The following PCCA variants were observed in gnomAD, a reference collection of about 807,000 sequenced individuals.
PCCA encodes the protein propionyl-CoA carboxylase alpha chain, mitochondrial.
PCCA carries 74 observed loss-of-function variants against 101.3 expected under a neutral mutation model. The ratio of observed to expected loss-of-function variants is 0.73; its 90% CI spans 0.61 to 0.89. The LOEUF is 0.89. Ranked by LOEUF, PCCA falls within the 40% of genes least tolerant of loss-of-function variation. The pLI is 0.00. For synonymous variants in PCCA, 294 were observed against 313.6 expected (o/e 0.94, Z 0.66); for missense variants, 891 against 907.0 (o/e 0.98, Z 0.23).
chr13:100,148,568 T>C (rs567407652), intron 4 of PCCA, among the ~76,000 whole-genome samples: 4 of 152,312 alleles, frequency 2.6e-5, no homozygotes, highest in East Asian at 1.9e-4. Flanking sequence ...CCCTTCTCCC[T>C]TGATGCTTCT....
chr13:100,459,891 CAGAG>C (rs1566368031), intron 21 of PCCA, among the ~76,000 whole-genome samples: 1 of 152,210 alleles, frequency 6.6e-6, no homozygotes, highest in Non-Finnish European at 1.5e-5. Flanking sequence ...TCTCCCGTAG[CAGAG>C]AGAGAGTGCA....
chr13:100,297,193 A>G (rs28687769), intron 12 of PCCA, among the ~76,000 whole-genome samples: 1 of 152,158 alleles, frequency 6.6e-6, no homozygotes, highest in Non-Finnish European at 1.5e-5. Context: ...TTTGTTAAGG[A>G]GGTATCTCTG....
chr13:100,521,877 G>A (rs1020062787), intron 22 of PCCA, among the ~76,000 whole-genome samples: 3 of 152,178 alleles, frequency 2.0e-5, no homozygotes, highest in East Asian at 1.9e-4. Flanking sequence ...AAACTGCAGC[G>A]GGCTGGTAAG....
At chr13:100,261,085 A>G (rs1164122665) in intron 9 of PCCA, among the ~76,000 whole-genome samples, 4 of 152,152 alleles carry the variant, frequency 2.6e-5, no homozygotes, top group African/African-American at 7.2e-5. Flanking sequence ...TTTAGTCTTC[A>G]GATTAAGAAA....
chr13:100,273,285 T>A lies in PCCA; in HGVS notation c.1004T>A (p.Val335Glu). The change falls in exon 12 of 24, where the codon GTG (valine) becomes GAG (glutamate). Residue 335 changes from valine to glutamate, a missense_variant. Physicochemically the swap from Val to Glu is moderately radical, Grantham distance 121. Transcript: ENST00000376285. ...GTAAAATATTCCTCTGCTGGGACCGTGGAGTTCCTTGTGGACTCTAAGAAG... is the reference window on the plus strand; with the variant it reads ...GTAAAATATTCCTCTGCTGGGACCGAGGAGTTCCTTGTGGACTCTAAGAAG... ...RAVKYSSAGT[V>E]EFLVDSKKNF... 1 of 1,612,324 alleles carries A rather than the reference T, an allele frequency of 6.2e-7. No homozygotes were observed. Among genetic ancestry groups the A allele is most frequent in the Non-Finnish European group, 8.5e-7 (1 of 1,178,342 alleles).
intron 4 of PCCA, among the ~76,000 whole-genome samples, chr13:100,113,492 T>C (rs1460230615): frequency 6.6e-6 from 1 of 152,186 alleles, no homozygotes; most frequent in African/African-American, 2.4e-5. Context: ...AAAATAGTTT[T>C]CTTTCTTCAA....
chr13:100,520,656 AAGAG>A (rs2087209841), intron 22 of PCCA, among the ~76,000 whole-genome samples: 1 of 150,506 alleles, frequency 6.6e-6, no homozygotes, highest in African/African-American at 2.5e-5. Flanking sequence ...AAAAAAAAAA[AAGAG>A]TTGGTTTTTG....
intron 4 of PCCA, among the ~76,000 whole-genome samples, chr13:100,154,180 AT>A (rs1228357344): frequency 6.6e-6 from 1 of 152,238 alleles, no homozygotes; most frequent in Non-Finnish European, 1.5e-5. Context: ...AGGAAAAGTC[AT>A]TTAAAAAGAT....
At chr13:100,234,865 G>C (rs915531370) in intron 7 of PCCA, among the ~76,000 whole-genome samples, 3 of 151,048 alleles carry the variant, frequency 2.0e-5, no homozygotes, top group African/African-American at 7.3e-5. Context: ...CTTTGTGGTA[G>C]TTTAGTTTGT....
chr13:100,116,993 G>A (rs1000678324), intron 4 of PCCA, among the ~76,000 whole-genome samples: 5 of 152,074 alleles, frequency 3.3e-5, no homozygotes, highest in African/African-American at 1.2e-4. Context: ...ATAAATACAT[G>A]CATGTTTAAA....
rs1556800 is a variant in PCCA, at chr13:100,157,551, A to G, written c.468+211A>G. ...AAACAGAAAAGTTTACAAAATCACC[A>G]TTACACTGAATGAATGATACCTGGT... On this transcript the variant is annotated intron_variant, in intron 6 of 23. Coordinates refer to ENST00000376285, the MANE Select transcript of PCCA (RefSeq NM_000282.4). Among the ~76,000 whole-genome samples, 21,645 of 152,254 alleles carry G rather than the reference A, an allele frequency of 0.14. 1,659 individuals are homozygous for G. The highest frequency in any genetic ancestry group is 0.18 in the Non-Finnish European group (12,113 of 67,994).
chr13:100,371,885 A>G (rs1429866804), intron 19 of PCCA, among the ~76,000 whole-genome samples: 1 of 152,244 alleles, frequency 6.6e-6, no homozygotes, highest in Non-Finnish European at 1.5e-5. Flanking sequence ...CCTTGTATGT[A>G]TGGTCAAATG....
chr13:100,341,783 A>G (rs572798839), intron 18 of PCCA, among the ~76,000 whole-genome samples: 46 of 152,036 alleles, frequency 3.0e-4, no homozygotes, highest in Admixed American at 6.5e-4. Flanking sequence ...TTCTGAGTGT[A>G]GCTAAATATG....
At chr13:100,413,418 A>C (rs1205403007) in intron 19 of PCCA, among the ~76,000 whole-genome samples, 1 of 152,268 alleles carries the variant, frequency 6.6e-6, no homozygotes, top group African/African-American at 2.4e-5. Context: ...AAGCAAAAGC[A>C]TACTAATAGG....
At chr13:100,492,662 GC>G (rs926914740) in intron 21 of PCCA, among the ~76,000 whole-genome samples, 21 of 151,242 alleles carry the variant, frequency 1.4e-4, no homozygotes, top group African/African-American at 3.4e-4. Flanking sequence ...CCGTTTTTGT[GC>G]CCAAATGTTG....
At chr13:100,347,322 G>GCAGT (rs1276707853) in intron 18 of PCCA, among the ~76,000 whole-genome samples, 14 of 152,136 alleles carry the variant, frequency 9.2e-5, no homozygotes, top group Non-Finnish European at 4.4e-5. Flanking sequence ...TTGCTTCATT[G>GCAGT]CAGTGGTCTG....
At position 100,352,487 on chromosome 13, in the gene PCCA, TGG is replaced by T. The variant is rs1263245919; in HGVS notation, c.1643+12230_1643+12231del. Among the ~76,000 whole-genome samples, 22 of 151,562 alleles carry T rather than the reference TGG, an allele frequency of 1.5e-4. 1 individual carries two copies. The highest frequency in any genetic ancestry group is 7.2e-4 in the Admixed American group (11 of 15,224). ...ACAGGTCACTGCAAGTTTGAACTCC[TGG>T]GCTCAGGTGATTCTCCTGCCTCAGC... On this transcript the variant is annotated intron_variant, in intron 18 of 23. Coordinates refer to ENST00000376285, the MANE Select transcript of PCCA (RefSeq NM_000282.4).
At chr13:100,527,974 T>C (rs1277644473) in intron 23 of PCCA, among the ~76,000 whole-genome samples, 3 of 152,238 alleles carry the variant, frequency 2.0e-5, no homozygotes, top group African/African-American at 7.2e-5. Context: ...TATGTTCAGG[T>C]AGTCAAAGAA....
rs371062208 is a variant in PCCA at position 100,425,716 on chromosome 13, T to G, written c.1830T>G (p.Thr610=). The change falls in exon 20 of 24, where the codon ACT becomes ACG. Residue 610 remains threonine, a synonymous_variant. Coordinates refer to ENST00000376285, the MANE Select transcript of PCCA (RefSeq NM_000282.4). ...SPLLSVSVDG[T]QRTVQCLSRE... The stretch of plus-strand genomic sequence containing the variant: ...TATTGTCTGTCAGCGTTGATGGCAC[T>G]CAGAGGACTGTCCAGGTGAGTGTTG... 4 of 1,611,878 alleles carry G rather than the reference T, an allele frequency of 2.5e-6. No individual in the cohort carries two copies. The African/African-American group carries it at 4.0e-5, about 16-fold the overall frequency.
Sources: allele counts gnomAD v4.1 joint callset (sites outside exome capture counted in the v4.1 genomes callset), GRCh38; gene constraint gnomAD v4.1.1; transcripts MANE v1.5; gene names NCBI Gene and HGNC (gene_info 2026-07-23, HGNC 2026-07-21).